Variants in POMK observed in about 807,000 individuals in gnomAD.
POMK encodes protein O-mannose kinase.
A neutral mutation model predicts 23.0 loss-of-function variants in POMK; 19 were observed. The observed-to-expected ratio is 0.83, with a 90% CI of 0.58 to 1.21. The LOEUF is 1.21. Ranked by LOEUF, POMK falls within the 50% of genes most tolerant of loss-of-function variation. POMK has a pLI of 0.00. For synonymous variants in POMK, 173 were observed against 171.6 expected (o/e 1.01, Z -0.06); for missense variants, 410 against 431.3 (o/e 0.95, Z 0.44).
chr8:43,119,190 CAA>C (rs1346024605), intron 4 of POMK, among the ~76,000 whole-genome samples: 1 of 152,102 alleles, frequency 6.6e-6, no homozygotes, highest in Non-Finnish European at 1.5e-5. Context: ...CCTAGAAAAC[CAA>C]AGCCATTGCC....
chr8:43,117,421 G>T (rs905879760), intron 4 of POMK, among the ~76,000 whole-genome samples: 7 of 152,196 alleles, frequency 4.6e-5, no homozygotes, highest in African/African-American at 1.2e-4. Context: ...TTTATCCTTG[G>T]TTTTTTCACA....
At chr8:43,118,224 A>G (rs757335213) in intron 4 of POMK, among the ~76,000 whole-genome samples, 1 of 152,032 alleles carries the variant, frequency 6.6e-6, no homozygotes, top group Non-Finnish European at 1.5e-5. Flanking sequence ...AACATTACTC[A>G]GCTTTAAAAA....
chr8:43,109,259 A>G (rs927139262), intron 4 of POMK, among the ~76,000 whole-genome samples: 7 of 152,340 alleles, frequency 4.6e-5, no homozygotes, highest in Non-Finnish European at 1.0e-4. Context: ...AGGAAAAACC[A>G]TTATTCTGGT....
chr8:43,122,097 T>A lies in POMK; in HGVS notation c.283-10T>A. 6.2e-7 allele frequency: 1 copy of A among 1,612,988 alleles called. No individual in the cohort carries two copies. The highest frequency in any genetic ancestry group is 1.1e-5 in the South Asian group (1 of 90,974). Reference sequence around the variant, plus strand: ...GTTCAGGCCTGATGCTCTCTATGGCTTTGTTGCAGGTCTTTCTGTCTGAGT... The same window carrying A: ...GTTCAGGCCTGATGCTCTCTATGGCATTGTTGCAGGTCTTTCTGTCTGAGT... On this transcript the variant is annotated splice_polypyrimidine_tract_variant and intron_variant, in intron 4 of 4. Transcript: ENST00000331373.
Position 43,123,381 on chromosome 8 carries a change from C to A in POMK, c.*504C>A, listed in dbSNP as rs1037651729. 1 of 153,162 alleles carries A rather than the reference C, an allele frequency of 6.5e-6. No individual in the cohort carries two copies. The highest frequency in any genetic ancestry group is 2.4e-5 in the African/African-American group (1 of 41,430). The allele number at this position is 153,162 out of a possible 1,614,324, so 9.5% of individuals were successfully genotyped here. A position where few individuals can be genotyped will look rare whatever the true frequency, so the allele number is the denominator to read the frequency against. On this transcript the variant is annotated 3_prime_UTR_variant, in exon 5 of 5. Coordinates refer to ENST00000331373, the MANE Select transcript of POMK (RefSeq NM_032237.5). ...TGGATTTGTAGTTTCCAAAGTTTCT[C>A]GTTATTGATTTCTACTTTTCTTCCA...
intron 4 of POMK, among the ~76,000 whole-genome samples, chr8:43,109,697 C>A (rs1449690888): frequency 6.6e-6 from 1 of 152,086 alleles, no homozygotes; most frequent in Admixed American, 6.5e-5. Context: ...CATGTGCCAC[C>A]ACACCTGGCT....
At chr8:43,114,322 C>T (rs1811747346) in intron 4 of POMK, among the ~76,000 whole-genome samples, 3 of 152,226 alleles carry the variant, frequency 2.0e-5, no homozygotes, top group Admixed American at 1.3e-4. Context: ...TGGCGGGCAC[C>T]CCTCCCCCAG....
chr8:43,095,860 G>GTTAC (rs1407060135), intron 1 of POMK, among the ~76,000 whole-genome samples: 2 of 152,192 alleles, frequency 1.3e-5, no homozygotes, highest in Non-Finnish European at 2.9e-5. Flanking sequence ...GGGAGGTTAG[G>GTTAC]GGTAAGGAGG....
At chr8:43,118,838 C>T (rs1167952621) in intron 4 of POMK, among the ~76,000 whole-genome samples, 1 of 152,174 alleles carries the variant, frequency 6.6e-6, no homozygotes, top group Non-Finnish European at 1.5e-5. Context: ...GAGTCTCGCT[C>T]TGTTGCCCAG....
intron 4 of POMK, among the ~76,000 whole-genome samples, chr8:43,113,600 T>G (rs1346492806): frequency 6.6e-6 from 1 of 152,258 alleles, no homozygotes; most frequent in African/African-American, 2.4e-5. Flanking sequence ...GAAGCCTTCT[T>G]CTCTGAACTC....
rs140164489 is a variant in POMK at position 43,103,599 on chromosome 8, G to T, written c.51G>T (p.Val17=). ...GGAGAGGCCTCGCCCCCCGAGAGGT[G>T]CCGCCAGCTGTTGGGCTGCTGCTGA... is the stretch of plus-strand genomic sequence containing the variant. ...NSRRGLAPRE[V]PPAVGLLLIM... The change falls in exon 4 of 5, where the codon GTG becomes GTT. Residue 17 remains valine (V), a synonymous_variant. Transcript: ENST00000331373. The T allele has an allele frequency of 1.1e-5, 18 of 1,613,936 alleles. No homozygotes were observed. The highest frequency in any genetic ancestry group is 1.7e-5 in the Admixed American group (1 of 59,992).
intron 1 of POMK, among the ~76,000 whole-genome samples, chr8:43,095,642 G>T (rs1327077948): frequency 2.0e-5 from 3 of 152,086 alleles, no homozygotes; most frequent in Admixed American, 2.0e-4. Flanking sequence ...AGCAGATCTG[G>T]GTTTATGATG....
intron 4 of POMK, among the ~76,000 whole-genome samples, chr8:43,120,022 T>C (rs943495336): frequency 6.6e-6 from 1 of 151,360 alleles, no homozygotes; most frequent in South Asian, 2.1e-4. Context: ...AAAAGTAATA[T>C]ATGTTCATCT....
chr8:43,103,869 A>G, intron 4 of POMK, 39 bp downstream of exon 4: 1 of 1,600,126 alleles, frequency 6.2e-7, no homozygotes, highest in Non-Finnish European at 8.5e-7. Flanking sequence ...TCATCCTGTT[A>G]TTTCGCTTAA....
In POMK at chr8:43,123,004, T is replaced by G; in HGVS notation, c.*127T>G. 1.2e-6 allele frequency: 1 copy of G among 816,056 alleles called. No individual in the cohort carries two copies. Among genetic ancestry groups the G allele is most frequent in the Non-Finnish European group, 1.9e-6 (1 of 523,568 alleles). The allele number at this position is 816,056 out of a possible 1,614,324, so 50.6% of individuals were successfully genotyped here. On this transcript the variant is annotated 3_prime_UTR_variant, in exon 5 of 5. Transcript: ENST00000331373. ...TTTTTTTTATGGCTTAGCCATGTGG[T>G]TCGTTGTCCACATCCACATGTACGT...
At chr8:43,094,511 G>GA (rs761244946) in intron 1 of POMK, among the ~76,000 whole-genome samples, 29 of 151,986 alleles carry the variant, frequency 1.9e-4, no homozygotes, top group Non-Finnish European at 3.2e-4. Flanking sequence ...CTTTTTTTTA[G>GA]AAAGCAAAAT....
chr8:43,094,395 A>T (rs57434397), intron 1 of POMK, among the ~76,000 whole-genome samples: 1 of 152,178 alleles, frequency 6.6e-6, no homozygotes, highest in Non-Finnish European at 1.5e-5. Context: ...AACAAAAAAC[A>T]AAAAAACCAG....
rs536337343 is a variant in POMK at position 43,111,854 on chromosome 8, G to C, written c.282+8024G>C. ...AGTAAACTCCAACAAACCTGCAGCT[G>C]AGGGTCCTGACTGTTAGAAGGAAAA... On this transcript the variant is annotated intron_variant, in intron 4 of 4. Coordinates refer to ENST00000331373, the MANE Select transcript of POMK (RefSeq NM_032237.5). Among the ~76,000 whole-genome samples, 19 of 152,328 alleles carry C rather than the reference G, an allele frequency of 1.2e-4. No homozygotes were observed. In the South Asian group the frequency reaches 3.9e-3, roughly 32 times the overall value.
At chr8:43,106,815 C>T (rs1019129807) in intron 4 of POMK, among the ~76,000 whole-genome samples, 1 of 152,154 alleles carries the variant, frequency 6.6e-6, no homozygotes, top group African/African-American at 2.4e-5. Context: ...TATAATTTTG[C>T]AAAGGCGGTT....
Sources: gnomAD v4.1 joint callset for allele counts (sites outside exome capture counted in the v4.1 genomes callset) on GRCh38, gnomAD v4.1.1 for gene constraint, MANE v1.5 for transcripts, NCBI Gene and HGNC (gene_info 2026-07-23, HGNC 2026-07-21) for gene names.